JMJD1C: variants seen among roughly 807,000 people sequenced by gnomAD.
The protein encoded by JMJD1C is jumonji domain-containing protein 1C.
JMJD1C carries 31 observed loss-of-function variants against 245.3 expected under a neutral mutation model. That is an observed-to-expected ratio of 0.13 (90% CI 0.09 to 0.17). JMJD1C has a LOEUF of 0.17. Among genes scored for constraint, JMJD1C ranks in the 10% least tolerant of loss-of-function variants. JMJD1C has a pLI of 1.00. For missense variants in JMJD1C, 2,691 were observed against 3,000.2 expected (o/e 0.90, Z 2.41); for synonymous variants, 1,057 against 1,017.4 (o/e 1.04, Z -0.74).
chr10:63,428,077 ATT>A (rs1950543703), intron 1 of JMJD1C: 2 of 490,822 alleles, frequency 4.1e-6, no homozygotes, highest in Non-Finnish European at 7.3e-6. Context: ...ATATATATAT[ATT>A]AAGACAGCTG....
intron 2 of JMJD1C, among the ~76,000 whole-genome samples, chr10:63,331,167 A>G (rs961382073): frequency 6.6e-6 from 1 of 151,996 alleles, no homozygotes; most frequent in Non-Finnish European, 1.5e-5. Context: ...TCTCTCCTTC[A>G]TTTCTTATTA....
At chr10:63,450,179 G>C (rs1046606912) in intron 1 of JMJD1C, among the ~76,000 whole-genome samples, 11 of 151,822 alleles carry the variant, frequency 7.2e-5, no homozygotes, top group Non-Finnish European at 4.4e-5. Flanking sequence ...GTGTGAGAAA[G>C]GCAAAGAAAC....
intron 10 of JMJD1C, 126 bp downstream of exon 10, chr10:63,206,469 T>C: frequency 3.1e-6 from 2 of 654,520 alleles, no homozygotes; most frequent in Non-Finnish European, 5.1e-6. Flanking sequence ...AGCATATACA[T>C]AAAGCTAAGG....
At chr10:63,186,622 G>T (rs1172827572) in intron 18 of JMJD1C, among the ~76,000 whole-genome samples, 1 of 152,218 alleles carries the variant, frequency 6.6e-6, no homozygotes, top group East Asian at 1.9e-4. Context: ...TGTCTCCTTT[G>T]AAATTACATA....
At chr10:63,265,361 C>G (rs1188692559) in intron 2 of JMJD1C, among the ~76,000 whole-genome samples, 2 of 146,806 alleles carry the variant, frequency 1.4e-5, no homozygotes, top group African/African-American at 5.0e-5. Flanking sequence ...AGAAGTACTA[C>G]ACAAAACTCT....
intron 2 of JMJD1C, among the ~76,000 whole-genome samples, chr10:63,324,099 A>G (rs892934128): frequency 1.2e-4 from 18 of 148,130 alleles, no homozygotes; most frequent in African/African-American, 3.7e-4. Flanking sequence ...GCCCAAATGG[A>G]TAAGGGTGGT....
intron 1 of JMJD1C, among the ~76,000 whole-genome samples, chr10:63,392,865 T>TC (rs1554918125): frequency 3.8e-5 from 1 of 26,312 alleles, no homozygotes; most frequent in Non-Finnish European, 7.4e-5. Context: ...AAAAAGTACA[T>TC]AAACACACAC....
At chr10:63,465,109 G>GC (rs1953108660) in intron 1 of JMJD1C, 1 of 247,362 alleles carries the variant, frequency 4.0e-6, no homozygotes, top group Admixed American at 5.6e-5. Context: ...AGGGAAGCTG[G>GC]CCGCCTGTCG....
chr10:63,194,454 T>C (rs547354239), intron 13 of JMJD1C, 79 bp from the exon 14 acceptor site: 89 of 949,070 alleles, frequency 9.4e-5, no homozygotes, highest in Middle Eastern at 2.5e-4. Context: ...TTAACGATTA[T>C]ATAAAATGTT....
chr10:63,177,854 T>C lies in JMJD1C; in HGVS notation c.7087A>G (p.Ile2363Val). Residue 2363 changes from isoleucine (I) to valine (V), a missense_variant and splice_region_variant, in exon 23 of 26, where the codon ATT becomes GTT. Physicochemically the swap from Ile to Val is conservative, Grantham distance 29. Transcript: ENST00000399262. ...KGNGILSKAG[I>V]LKKFEEEDLD... ...TCTTCTTCCTCAAATTTCTTGAGAA[T>C]TCCTGAAACAAAGGAACATAATTTC... The C allele has an allele frequency of 6.2e-7, 1 of 1,611,800 alleles. No homozygotes were observed. The highest frequency in any genetic ancestry group is 8.5e-7 in the Non-Finnish European group (1 of 1,179,470).
chr10:63,265,695 A>T lies in JMJD1C; in HGVS notation c.334-931T>A, dbSNP rs972094956. On this transcript the variant is annotated intron_variant, in intron 2 of 25. Transcript: ENST00000399262. ...AACACAGCTGCTTTACTATAAAAAA[A>T]TTTTTTAACTGGAAAAAAGTTCGGA... Among the ~76,000 whole-genome samples, 7 of 152,196 alleles carry T rather than the reference A, an allele frequency of 4.6e-5. No individual in the cohort carries two copies. The East Asian group carries it at 5.8e-4, about 13-fold the overall frequency.
At chr10:63,378,077 T>A (rs753978265) in intron 2 of JMJD1C, among the ~76,000 whole-genome samples, 10 of 151,600 alleles carry the variant, frequency 6.6e-5, no homozygotes, top group Non-Finnish European at 1.3e-4. Flanking sequence ...TTTCCAAATT[T>A]TTCATCACTT....
intron 1 of JMJD1C, among the ~76,000 whole-genome samples, chr10:63,430,338 T>C (rs887801573): frequency 2.0e-5 from 3 of 152,184 alleles, no homozygotes; most frequent in African/African-American, 7.2e-5. Flanking sequence ...AAAACATAAA[T>C]TGGGCTTCAT....
At chr10:63,264,571 G>T in intron 3 of JMJD1C, 80 bp downstream of exon 3, 1 of 654,186 alleles carries the variant, frequency 1.5e-6, no homozygotes, top group Non-Finnish European at 2.6e-6. Context: ...GATATTTAAA[G>T]AATATTGTTT....
chr10:63,242,878 T>C (rs1345278774), intron 3 of JMJD1C, among the ~76,000 whole-genome samples: 2 of 151,972 alleles, frequency 1.3e-5, no homozygotes, highest in African/African-American at 2.4e-5. Flanking sequence ...TGTTTTCATA[T>C]ATATTACCTC....
chr10:63,205,197 C>G (rs189288168), intron 10 of JMJD1C, among the ~76,000 whole-genome samples: 1 of 152,188 alleles, frequency 6.6e-6, no homozygotes, highest in East Asian at 1.9e-4. Flanking sequence ...TCTTTAACAT[C>G]GAAATGAATA....
rs1201669675 is a variant in JMJD1C, at chr10:63,465,813, C to T, written c.-151G>A. ...GACTCGGGACGAACCGGCCGCTCTG[C>T]CCCGGACACAGCGACCTCGGGCCCT... On this transcript the variant is annotated 5_prime_UTR_variant, in exon 1 of 26. Coordinates refer to ENST00000399262, the MANE Select transcript of JMJD1C (RefSeq NM_032776.3). 1.5e-5 allele frequency: 13 copies of T among 893,696 alleles called. No homozygotes were observed. Among genetic ancestry groups the T allele is most frequent in the East Asian group, 1.3e-4 (5 of 38,300 alleles). The allele number at this position is 893,696 out of a possible 1,614,324, so 55.4% of individuals were successfully genotyped here.
At chr10:63,484,240 A>ATGGATG (rs1564963367) in intron 1 of JMJD1C, among the ~76,000 whole-genome samples, 19 of 12,048 alleles carry the variant, frequency 1.6e-3, no homozygotes, top group African/African-American at 3.0e-3. Flanking sequence ...ATGGATGGAT[A>ATGGATG]GATAGATAGA....
At chr10:63,246,517 G>C (rs1041947671) in intron 3 of JMJD1C, among the ~76,000 whole-genome samples, 1 of 151,906 alleles carries the variant, frequency 6.6e-6, no homozygotes, top group African/African-American at 2.4e-5. Context: ...AATGGAGAGA[G>C]AATTTTTTTT....
Sources: allele counts gnomAD v4.1 joint callset (sites outside exome capture counted in the v4.1 genomes callset), GRCh38; gene constraint gnomAD v4.1.1; transcripts MANE v1.5; gene names NCBI Gene and HGNC (gene_info 2026-07-23, HGNC 2026-07-21).